The following FIP1L1 variants were observed in gnomAD, a reference collection of about 807,000 sequenced individuals.
FIP1L1 encodes the protein pre-mRNA 3'-end-processing factor FIP1.
Under a neutral mutation model 84.6 loss-of-function variants are expected in FIP1L1, and 21 were observed. The ratio of observed to expected loss-of-function variants is 0.25; its 90% CI spans 0.18 to 0.36. The LOEUF (loss-of-function observed/expected upper bound fraction) is 0.36. Among genes scored for constraint, FIP1L1 ranks in the 10% least tolerant of loss-of-function variants. FIP1L1 has a pLI of 1.00. For missense variants in FIP1L1, 526 were observed against 751.1 expected, an observed-to-expected ratio of 0.70 and a Z score of 3.50; for synonymous variants, 263 against 242.3, an observed-to-expected ratio of 1.09 and a Z score of -0.80.
chr4:53,425,523 TCCC>T (rs1763980709), intron 11 of FIP1L1, among the ~76,000 whole-genome samples: 1 of 152,106 alleles, frequency 6.6e-6, no homozygotes, highest in African/African-American at 2.4e-5. Context: ...ATTGTAGTGG[TCCC>T]AAAATTTCCA....
intron 5 of FIP1L1, among the ~76,000 whole-genome samples, chr4:53,387,884 G>A (rs750298719): frequency 2.0e-5 from 3 of 152,186 alleles, no homozygotes; most frequent in Non-Finnish European, 2.9e-5. Flanking sequence ...GGCAGGAACC[G>A]TAATTGTCCA....
intron 11 of FIP1L1, 74 bp from the exon 12 acceptor site, chr4:53,425,793 TTTTTA>T: frequency 9.7e-7 from 1 of 1,026,484 alleles, no homozygotes; most frequent in Non-Finnish European, 1.5e-6. Flanking sequence ...ACACATTTTG[TTTTTA>T]TTTCTCACTG....
chr4:53,442,539 AG>A (rs1344462989), intron 13 of FIP1L1, 113 bp from the exon 14 acceptor site: 4 of 697,752 alleles, frequency 5.7e-6, no homozygotes, highest in Non-Finnish European at 1.0e-5. Context: ...ATTACAACAT[AG>A]AGAAGCACAT....
chr4:53,392,087 A>G lies in FIP1L1; in HGVS notation c.705+589A>G, dbSNP rs1439036748. ...CTTTGAGGTTGATACTACAACTTGT[A>G]TAACAAGTCTGATTTCTGGCTTCTC... On this transcript the variant is annotated intron_variant, in intron 9 of 17. Coordinates refer to ENST00000337488, the MANE Select transcript of FIP1L1 (RefSeq NM_030917.4). Among the ~76,000 whole-genome samples, 3 of 152,252 alleles carry G rather than the reference A, an allele frequency of 2.0e-5. 1 individual carries two copies. Among genetic ancestry groups the G allele is most frequent in the Admixed American group, 1.3e-4 (2 of 15,286 alleles).
chr4:53,444,231 A>C, intron 15 of FIP1L1, 128 bp downstream of exon 15: 1 of 597,036 alleles, frequency 1.7e-6, no homozygotes, highest in African/African-American at 1.9e-5. Context: ...TAACTACAGG[A>C]ATGAGTGGTC....
At chr4:53,444,977 G>A (rs1773578683) in intron 15 of FIP1L1, among the ~76,000 whole-genome samples, 1 of 152,126 alleles carries the variant, frequency 6.6e-6, no homozygotes, top group South Asian at 2.1e-4. Context: ...AGGGTGTCAT[G>A]GGAGCATAGC....
chr4:53,391,793 A>T (rs1744376005), intron 9 of FIP1L1, among the ~76,000 whole-genome samples: 1 of 152,204 alleles, frequency 6.6e-6, no homozygotes, highest in Non-Finnish European at 1.5e-5. Flanking sequence ...GTGGCAACAG[A>T]TTATGCTCTC....
chr4:53,392,585 T>C (rs1023970334), intron 9 of FIP1L1, among the ~76,000 whole-genome samples: 2 of 152,226 alleles, frequency 1.3e-5, no homozygotes, highest in Non-Finnish European at 2.9e-5. Flanking sequence ...TTGACTGCAA[T>C]GGGTAGAAAA....
chr4:53,454,902 A>G (rs879660208), intron 16 of FIP1L1, among the ~76,000 whole-genome samples: 1 of 152,226 alleles, frequency 6.6e-6, no homozygotes, highest in African/African-American at 2.4e-5. Context: ...TGTGTTGCTT[A>G]GTGGAGCTAC....
chr4:53,399,167 A>C (rs1307345505), intron 9 of FIP1L1, among the ~76,000 whole-genome samples: 1 of 152,164 alleles, frequency 6.6e-6, no homozygotes, highest in East Asian at 1.9e-4. Context: ...CAGATGATTA[A>C]CTTCAAGCTT....
Position 53,383,791 on chromosome 4 carries a change from G to A in FIP1L1, c.247G>A (p.Asp83Asn). Residue 83 changes from aspartate to asparagine, a missense_variant, in exon 5 of 18, where the codon GAT becomes AAT. Physicochemically the swap from Asp to Asn is conservative, Grantham distance 23. Transcript: ENST00000337488. Reference protein sequence around the residue: ...VPKPKVTETEDDSDSDSDDDE... With the variant: ...VPKPKVTETENDSDSDSDDDE... ...CATGTAGAAAGTGACTGAGACCGAA[G>A]ATGATAGTGATAGTGACAGCGATGA... 2 of 1,610,870 alleles carry A rather than the reference G, an allele frequency of 1.2e-6. No homozygotes were observed. Among genetic ancestry groups the A allele is most frequent in the Non-Finnish European group, 8.5e-7 (1 of 1,177,356 alleles).
intron 13 of FIP1L1, among the ~76,000 whole-genome samples, chr4:53,434,115 A>C (rs1220863290): frequency 6.6e-6 from 1 of 152,142 alleles, no homozygotes; most frequent in Non-Finnish European, 1.5e-5. Context: ...CTTTAAAATT[A>C]CTGCAGATCC....
chr4:53,435,105 G>A (rs949469082), intron 13 of FIP1L1, among the ~76,000 whole-genome samples: 1 of 152,102 alleles, frequency 6.6e-6, no homozygotes, highest in African/African-American at 2.4e-5. Context: ...TTTGAAAACT[G>A]TATTTATTCT....
At chr4:53,448,289 G>T (rs1398673432) in intron 15 of FIP1L1, among the ~76,000 whole-genome samples, 5 of 151,962 alleles carry the variant, frequency 3.3e-5, no homozygotes, top group African/African-American at 1.2e-4. Flanking sequence ...ACATATCTAT[G>T]TGTATGAATC....
intron 10 of FIP1L1, among the ~76,000 whole-genome samples, chr4:53,408,723 T>A (rs1277527245): frequency 2.0e-5 from 3 of 152,200 alleles, no homozygotes; most frequent in Non-Finnish European, 4.4e-5. Context: ...TAAACTTCCC[T>A]TCTCACTTCA....
At chr4:53,425,844 C>G in intron 11 of FIP1L1, 28 bp from the exon 12 acceptor site, 3 of 1,504,854 alleles carry the variant, frequency 2.0e-6, no homozygotes, top group Non-Finnish European at 2.8e-6. Flanking sequence ...TTAGGTGAAA[C>G]TGAATTGATT....
intron 13 of FIP1L1, among the ~76,000 whole-genome samples, chr4:53,430,984 C>A (rs111783968): frequency 0.019 from 2,850 of 152,238 alleles, 62 homozygotes; most frequent in Non-Finnish European, 0.025. Flanking sequence ...TTGCTCCTTA[C>A]TTTTAGTAGA....
chr4:53,414,885 A>G (rs773987667), intron 11 of FIP1L1, among the ~76,000 whole-genome samples, 163 bp downstream of exon 11: 3 of 152,136 alleles, frequency 2.0e-5, no homozygotes, highest in Non-Finnish European at 4.4e-5. Context: ...TTATAAATCA[A>G]AACCCAGCAC....
chr4:53,446,615 G>GC (rs775632575), intron 15 of FIP1L1, among the ~76,000 whole-genome samples: 12 of 152,108 alleles, frequency 7.9e-5, no homozygotes, highest in Admixed American at 1.3e-4. Context: ...TTGGTATGAT[G>GC]CCTTTAATAT....
Sources: allele counts gnomAD v4.1 joint callset (sites outside exome capture counted in the v4.1 genomes callset), GRCh38; gene constraint gnomAD v4.1.1; transcripts MANE v1.5; gene names NCBI Gene and HGNC (gene_info 2026-07-23, HGNC 2026-07-21).